LIG3: variants seen among roughly 807,000 people sequenced by gnomAD.
The protein encoded by LIG3 is ligase II, DNA, ATP-dependent.
LIG3 carries 58 observed loss-of-function variants against 110.9 expected under a neutral mutation model. The observed-to-expected ratio is 0.52, with a 90% CI of 0.42 to 0.65. The LOEUF (loss-of-function observed/expected upper bound fraction) is 0.65. Among genes scored for constraint, LIG3 ranks in the 30% least tolerant of loss-of-function variants. LIG3 has a pLI of 0.00. For synonymous variants in LIG3, 422 were observed against 472.8 expected, an observed-to-expected ratio of 0.89 and a Z score of 1.39; for missense variants, 1,094 against 1,273.8, an observed-to-expected ratio of 0.86 and a Z score of 2.15.
chr17:34,992,604 A>G lies in LIG3; in HGVS notation c.1367A>G (p.His456Arg). Reference protein sequence around the residue: ...NLQDVVERVLHNAQEVEKEPG... With the variant: ...NLQDVVERVLRNAQEVEKEPG... ...CAGGATGTGGTGGAGCGGGTCCTTC[A>G]CAACGCGCAGGAGGTGGAGAAGGAG... Residue 456 changes from histidine to arginine, a missense_variant, in exon 8 of 20, where the codon CAC becomes CGC. His to Arg is a conservative substitution (Grantham distance 29). Coordinates refer to ENST00000378526, the MANE Select transcript of LIG3 (RefSeq NM_013975.4). 6.2e-7 allele frequency: 1 copy of G among 1,613,890 alleles called. No homozygotes were observed. The highest frequency in any genetic ancestry group is 8.5e-7 in the Non-Finnish European group (1 of 1,179,908).
In LIG3 at chr17:35,004,659, T is replaced by A; in HGVS notation, c.*153T>A. 1.6e-6 allele frequency: 1 copy of A among 624,036 alleles called. No homozygotes were observed. The highest frequency in any genetic ancestry group is 2.8e-6 in the Non-Finnish European group (1 of 355,640). 38.7% of individuals were successfully genotyped at this position (624,036 alleles called of 1,614,324 possible). A position where few individuals can be genotyped will look rare whatever the true frequency, so the allele number is the denominator to read the frequency against. On this transcript the variant is annotated 3_prime_UTR_variant, in exon 20 of 20. Coordinates refer to ENST00000378526, the MANE Select transcript of LIG3 (RefSeq NM_013975.4). Reference sequence around the variant, plus strand: ...CCACTGTCTCTTCTGGACCAGGAATTAGTTGCTGTGGGTGCCACAGCTGAA... The same window carrying A: ...CCACTGTCTCTTCTGGACCAGGAATAAGTTGCTGTGGGTGCCACAGCTGAA...
At chr17:34,981,996 C>T (rs558273904) in intron 1 of LIG3, among the ~76,000 whole-genome samples, 1 of 152,110 alleles carries the variant, frequency 6.6e-6, no homozygotes, top group African/African-American at 2.4e-5. Flanking sequence ...ACGACGTCAC[C>T]GATCATAATA....
At chr17:35,001,488 T>C (rs1176898928) in intron 17 of LIG3, 85 bp downstream of exon 17, 3 of 1,357,396 alleles carry the variant, frequency 2.2e-6, no homozygotes, top group Admixed American at 3.7e-5. Context: ...TCACATGTCC[T>C]CTGTCTTCTC....
chr17:34,998,914 C>T (rs2090809938), intron 14 of LIG3, 187 bp downstream of exon 14: 1 of 625,112 alleles, frequency 1.6e-6, no homozygotes, highest in Non-Finnish European at 2.7e-6. Context: ...AGGGAGAAGT[C>T]AGAATAGAGT....
chr17:35,002,849 C>T (rs1162342090), intron 19 of LIG3, 60 bp downstream of exon 19: 3 of 1,571,300 alleles, frequency 1.9e-6, no homozygotes, highest in Admixed American at 1.8e-5. Context: ...GTGTTCCCAA[C>T]CTTCTGTACA....
rs76626183 is a variant in LIG3, at chr17:34,983,607, A to G, written c.547+55A>G. The G allele has an allele frequency of 1.3e-5, 20 of 1,492,750 alleles. No individual in the cohort carries two copies. The East Asian group carries it at 3.9e-4, about 29-fold the overall frequency. The allele number at this position is 1,492,750 out of a possible 1,614,324, so 92.5% of individuals were successfully genotyped here. A position where few individuals can be genotyped will look rare whatever the true frequency, so the allele number is the denominator to read the frequency against. On this transcript the variant is annotated intron_variant, in intron 2 of 19. Transcript: ENST00000378526. ...TACTGGTGCTGAGAGAAAAAGGGATAAGGAGTTCAACTGCTTTCTTTCTCT... is the reference window on the plus strand; with the variant it reads ...TACTGGTGCTGAGAGAAAAAGGGATGAGGAGTTCAACTGCTTTCTTTCTCT...
rs3136016 is a variant in LIG3 at position 34,999,902 on chromosome 17, TGCA to T, written c.2331+48_2331+50del. On this transcript the variant is annotated intron_variant, in intron 16 of 19. Coordinates refer to ENST00000378526, the MANE Select transcript of LIG3 (RefSeq NM_013975.4). Reference sequence around the variant, plus strand: ...GGGCCTCCAGCTCATAGAATTAGCTTGCAGGTTCTCTAGTGCCATAGAGAATCC... The same window carrying T: ...GGGCCTCCAGCTCATAGAATTAGCTTGGTTCTCTAGTGCCATAGAGAATCC... The T allele has an allele frequency of 1.3e-3, 1,974 of 1,469,568 alleles. 20 individuals are homozygous for T. In the African/African-American group the frequency reaches 0.022, roughly 16 times the overall value. The allele number at this position is 1,469,568 out of a possible 1,614,324, so 91.0% of individuals were successfully genotyped here.
At position 35,005,722 on chromosome 17, in the gene LIG3, C is replaced by T. The variant is rs781322964; in HGVS notation, c.*1216C>T. On this transcript the variant is annotated 3_prime_UTR_variant, in exon 20 of 20. Coordinates refer to ENST00000378526, the MANE Select transcript of LIG3 (RefSeq NM_013975.4). ...GGAGTATTCATGTGAATGAAACTGC[C>T]GGGCTATCTGATGGGTTAGAGCGCC... 9.2e-5 allele frequency: 52 copies of T among 562,200 alleles called. 1 individual carries two copies. The highest frequency in any genetic ancestry group is 6.0e-4 in the Middle Eastern group (2 of 3,334). 34.8% of individuals were successfully genotyped at this position (562,200 alleles called of 1,614,324 possible). A position where few individuals can be genotyped will look rare whatever the true frequency, so the allele number is the denominator to read the frequency against.
intron 9 of LIG3, 66 bp from the exon 10 acceptor site, chr17:34,995,998 C>G (rs1484569849): frequency 1.3e-6 from 2 of 1,568,254 alleles, no homozygotes; most frequent in Non-Finnish European, 1.7e-6. Context: ...GCTTTGCCCT[C>G]CATGGCATGG....
chr17:35,006,045 G>A lies in LIG3; in HGVS notation c.*1539G>A. 1 of 229,928 alleles carries A rather than the reference G, an allele frequency of 4.3e-6. No individual in the cohort carries two copies. Among genetic ancestry groups the A allele is most frequent in the Non-Finnish European group, 8.6e-6 (1 of 116,000 alleles). The allele number at this position is 229,928 out of a possible 1,614,324, so 14.2% of individuals were successfully genotyped here. Reference sequence around the variant, plus strand: ...AAAGAAAATATACTCCATATCTGCAGGGAAAAAAATAAAAATCCACACCTG... The same window carrying A: ...AAAGAAAATATACTCCATATCTGCAAGGAAAAAAATAAAAATCCACACCTG... On this transcript the variant is annotated 3_prime_UTR_variant, in exon 20 of 20. Transcript: ENST00000378526.
chr17:34,995,273 G>A (rs541999707), intron 9 of LIG3, among the ~76,000 whole-genome samples: 6 of 152,200 alleles, frequency 3.9e-5, no homozygotes, highest in Non-Finnish European at 7.3e-5. Flanking sequence ...CAAGAGGAAG[G>A]CTAAGCAGTG....
chr17:34,990,432 G>A (rs953987637), intron 4 of LIG3, among the ~76,000 whole-genome samples: 1 of 151,988 alleles, frequency 6.6e-6, no homozygotes, highest in Non-Finnish European at 1.5e-5. Flanking sequence ...GGCATGTGCC[G>A]CTATGCCTGG....
chr17:34,997,446 A>G (rs2090790508), intron 11 of LIG3: 2 of 334,360 alleles, frequency 6.0e-6, no homozygotes, highest in African/African-American at 4.1e-5. Flanking sequence ...AAGTGGGACC[A>G]GAATTTATAC....
At chr17:35,004,205 C>T (rs1254928240) in intron 19 of LIG3, 68 bp from the exon 20 acceptor site, 8 of 1,178,804 alleles carry the variant, frequency 6.8e-6, no homozygotes, top group African/African-American at 3.0e-5. Flanking sequence ...GTCCCGTGCT[C>T]ATTTGGGTGA....
chr17:34,994,334 C>T lies in LIG3; in HGVS notation c.1514C>T (p.Ser505Phe), dbSNP rs774670423. The T allele has an allele frequency of 3.1e-6, 5 of 1,614,156 alleles. No homozygotes were observed. The highest frequency in any genetic ancestry group is 4.5e-5 in the East Asian group (2 of 44,878). The change falls in exon 9 of 20, where the codon TCT becomes TTT. Residue 505 changes from serine (S) to phenylalanine (F), a missense_variant. Coordinates refer to ENST00000378526, the MANE Select transcript of LIG3 (RefSeq NM_013975.4). ...AAGAAATGTCCCAATGGCATGTTCT[C>T]TGAGATCAAGTACGATGGAGAGCGA... ...AMKKCPNGMF[S>F]EIKYDGERVQ...
chr17:35,000,246 C>G (rs1188492321), intron 16 of LIG3, among the ~76,000 whole-genome samples: 1 of 152,120 alleles, frequency 6.6e-6, no homozygotes, highest in African/African-American at 2.4e-5. Flanking sequence ...TTAGCCAAAG[C>G]TTTTTTGGTT....
chr17:34,981,692 C>G (rs964098485), intron 1 of LIG3: 5 of 152,266 alleles, frequency 3.3e-5, no homozygotes, highest in African/African-American at 4.8e-5. Flanking sequence ...CACCAGCTTT[C>G]CTTCACATCA....
chr17:34,997,859 G>C (rs1234081231), intron 12 of LIG3, 34 bp downstream of exon 12: 2 of 1,554,384 alleles, frequency 1.3e-6, no homozygotes, highest in African/African-American at 2.7e-5. Context: ...CAGTGTCCTA[G>C]AAGTTTGAAA....
chr17:34,997,790 A>T lies in LIG3; in HGVS notation c.1876A>T (p.Asn626Tyr). 6.2e-7 allele frequency: 1 copy of T among 1,614,196 alleles called. No individual in the cohort carries two copies. Among genetic ancestry groups the T allele is most frequent in the Non-Finnish European group, 8.5e-7 (1 of 1,180,002 alleles). ...FLHDNMVEIP[N>Y]RIMFSEMKRV... Reference sequence around the variant, plus strand: ...TCATGACAACATGGTTGAAATTCCAAACCGGATCATGTTCTCAGAAATGAA... The same window carrying T: ...TCATGACAACATGGTTGAAATTCCATACCGGATCATGTTCTCAGAAATGAA... Residue 626 changes from asparagine to tyrosine, a missense_variant, in exon 12 of 20, where the codon AAC (asparagine) becomes TAC (tyrosine). Asn to Tyr is a moderately radical substitution (Grantham distance 143). Coordinates refer to ENST00000378526, the MANE Select transcript of LIG3 (RefSeq NM_013975.4).
Sources: allele counts gnomAD v4.1 joint callset (sites outside exome capture counted in the v4.1 genomes callset), GRCh38; gene constraint gnomAD v4.1.1; transcripts MANE v1.5; gene names NCBI Gene and HGNC (gene_info 2026-07-23, HGNC 2026-07-21).